The following RABEP1 variants were observed in gnomAD, a reference collection of about 807,000 sequenced individuals.
RABEP1 encodes the protein rab GTPase-binding effector protein 1.
A neutral mutation model predicts 123.4 loss-of-function variants in RABEP1; 51 were observed. The ratio of observed to expected loss-of-function variants is 0.41; its 90% CI spans 0.33 to 0.52. The LOEUF (loss-of-function observed/expected upper bound fraction) is 0.52, where lower values mean the gene tolerates loss of function less well. Ranked by LOEUF, RABEP1 falls within the 20% of genes least tolerant of loss-of-function variation. The probability of loss-of-function intolerance (pLI) is 0.16; values close to 1 mark genes in which losing one functional copy is unlikely to be tolerated. For synonymous variants in RABEP1, 347 were observed against 355.2 expected (o/e 0.98, Z 0.26); for missense variants, 888 against 996.3 (o/e 0.89, Z 1.46).
At chr17:5,315,377 T>C (rs1024654460) in intron 2 of RABEP1, among the ~76,000 whole-genome samples, 2 of 151,940 alleles carry the variant, frequency 1.3e-5, no homozygotes, top group Non-Finnish European at 2.9e-5. Context: ...GAGGGAAATA[T>C]GAAAGAATAT....
chr17:5,378,440 G>T, intron 15 of RABEP1: 1 of 646,828 alleles, frequency 1.5e-6, no homozygotes, highest in East Asian at 2.9e-5. Flanking sequence ...AACTGGAGGA[G>T]GTAAGGCTAA....
At chr17:5,300,542 C>T (rs1216012553) in intron 1 of RABEP1, among the ~76,000 whole-genome samples, 1 of 152,134 alleles carries the variant, frequency 6.6e-6, no homozygotes, top group Non-Finnish European at 1.5e-5. Flanking sequence ...CCTTTCTATA[C>T]TGTACTCTTG....
chr17:5,332,392 A>C (rs953266373), intron 3 of RABEP1, among the ~76,000 whole-genome samples: 13 of 152,166 alleles, frequency 8.5e-5, no homozygotes, highest in Non-Finnish European at 8.8e-5. Context: ...TAATGCATTA[A>C]ATGAGGACTA....
intron 1 of RABEP1, among the ~76,000 whole-genome samples, chr17:5,299,532 G>C (rs929025172): frequency 4.6e-5 from 7 of 151,394 alleles, no homozygotes; most frequent in Non-Finnish European, 8.8e-5. Context: ...GAGTCCCTAG[G>C]GCCACTGAAG....
At chr17:5,373,691 TAAACACACACACAC>T (rs1910719265) in intron 13 of RABEP1, among the ~76,000 whole-genome samples, 1 of 63,406 alleles carries the variant, frequency 1.6e-5, no homozygotes, top group East Asian at 4.0e-4. Context: ...CTACACCAGC[TAAACACACACACAC>T]ACACACACAC....
In RABEP1 at chr17:5,295,147, C is replaced by T. The variant is rs150487417; in HGVS notation, c.34+12627C>T. ...CTGTAATCCCAGCACTTTGGGAGAC[C>T]GAGTCGGGCAAATCACCTGAAGTCA... On this transcript the variant is annotated intron_variant, in intron 1 of 17. Coordinates refer to ENST00000537505, the MANE Select transcript of RABEP1 (RefSeq NM_004703.6). Among the ~76,000 whole-genome samples the T allele has an allele frequency of 3.5e-3, 528 of 151,366 alleles. 4 individuals are homozygous for T. The highest frequency in any genetic ancestry group is 6.1e-3 in the Non-Finnish European group (415 of 67,852).
At chr17:5,320,107 AAGAG>A (rs1465501067) in intron 2 of RABEP1, among the ~76,000 whole-genome samples, 3 of 152,174 alleles carry the variant, frequency 2.0e-5, no homozygotes, top group African/African-American at 7.2e-5. Flanking sequence ...GTCAAGGACA[AAGAG>A]AGGATCCTAA....
At position 5,282,512 on chromosome 17, in the gene RABEP1, A is replaced by G; in HGVS notation, c.26A>G (p.Gln9Arg). MAQPGPAS[Q>R]PDVSLQQRVA... ...ATGGCGCAGCCGGGCCCGGCTTCCC[A>G]GCCTGACGGTGAGGCGCCCACCATG... Residue 9 changes from glutamine (Q) to arginine (R), a missense_variant, in exon 1 of 18, where the codon CAG becomes CGG. Physicochemically the swap from Gln to Arg is conservative, Grantham distance 43. Coordinates refer to ENST00000537505, the MANE Select transcript of RABEP1 (RefSeq NM_004703.6). The G allele has an allele frequency of 8.0e-7, 1 of 1,245,668 alleles. No homozygotes were observed. The highest frequency in any genetic ancestry group is 1.0e-6 in the Non-Finnish European group (1 of 993,466). 77.2% of individuals were successfully genotyped at this position (1,245,668 alleles called of 1,614,324 possible).
At chr17:5,311,343 ATAT>A (rs1426981309) in intron 2 of RABEP1, among the ~76,000 whole-genome samples, 6 of 152,076 alleles carry the variant, frequency 3.9e-5, no homozygotes. Flanking sequence ...CTTTACGGAG[ATAT>A]TATTAAAATT....
At chr17:5,316,855 A>AT (rs1238220967) in intron 2 of RABEP1, among the ~76,000 whole-genome samples, 288 of 139,136 alleles carry the variant, frequency 2.1e-3, no homozygotes, top group Middle Eastern at 3.8e-3. Context: ...AAAAAAAAAA[A>AT]ATATAAGAAA....
At chr17:5,336,655 CAT>C (rs1907116851) in intron 4 of RABEP1, 1 of 307,570 alleles carries the variant, frequency 3.3e-6, no homozygotes, top group African/African-American at 2.3e-5. Flanking sequence ...ATTGTGAAGT[CAT>C]ATTTATATTA....
chr17:5,351,164 G>C (rs547850701), intron 7 of RABEP1, among the ~76,000 whole-genome samples: 1 of 152,240 alleles, frequency 6.6e-6, no homozygotes, highest in Admixed American at 6.5e-5. Flanking sequence ...GCTCTACTAG[G>C]TGACATGATA....
chr17:5,378,370 C>T (rs1911176378), intron 15 of RABEP1, 138 bp downstream of exon 15: 5 of 801,972 alleles, frequency 6.2e-6, no homozygotes. Context: ...GGGAAGAAAA[C>T]CACGGGGTAA....
chr17:5,346,839 A>T lies in RABEP1; in HGVS notation c.698A>T (p.Asp233Val). Residue 233 changes from aspartate (D) to valine (V), a missense_variant, in exon 6 of 18, where the codon GAT (aspartate) becomes GTT (valine). Physicochemically the swap from Asp to Val is radical, Grantham distance 152. Transcript: ENST00000537505. ...YLEAEKSCRTDLEMYVAVLNT... is the reference protein window; with the variant it reads ...YLEAEKSCRTVLEMYVAVLNT... ...GAAGCTGAGAAATCTTGTAGGACTG[A>T]TCTAGAGATGTATGTAGCTGTTTTG... 1 of 1,610,162 alleles carries T rather than the reference A, an allele frequency of 6.2e-7. No homozygotes were observed. The highest frequency in any genetic ancestry group is 8.5e-7 in the Non-Finnish European group (1 of 1,177,684).
At chr17:5,334,388 C>T (rs959097431) in intron 3 of RABEP1, among the ~76,000 whole-genome samples, 3 of 152,096 alleles carry the variant, frequency 2.0e-5, no homozygotes, top group Admixed American at 6.5e-5. Flanking sequence ...CCTGTCACCA[C>T]GCCCAGCTAA....
intron 16 of RABEP1, among the ~76,000 whole-genome samples, chr17:5,381,183 C>T (rs576882286): frequency 6.6e-6 from 1 of 152,236 alleles, no homozygotes; most frequent in East Asian, 1.9e-4. Context: ...TTTGGCTTTT[C>T]ATACCCAGTT....
intron 2 of RABEP1, among the ~76,000 whole-genome samples, chr17:5,325,335 C>G (rs891459498): frequency 1.3e-5 from 2 of 151,028 alleles, no homozygotes; most frequent in African/African-American, 4.9e-5. Context: ...AGCAAAACTC[C>G]GTCCAAAAAA....
chr17:5,343,950 A>T (rs1045432005), intron 5 of RABEP1, among the ~76,000 whole-genome samples: 3 of 152,090 alleles, frequency 2.0e-5, no homozygotes, highest in Non-Finnish European at 4.4e-5. Flanking sequence ...TGCTGGGATT[A>T]CAGGCATGAG....
Position 5,331,040 on chromosome 17 carries a change from TTTTTTTTTTTTTTTTA to T in RABEP1, c.164-908_164-893del, listed in dbSNP as rs959801992. The stretch of plus-strand genomic sequence containing the variant: ...CCTATCTCTTAACTTTTTTTTTTTT[TTTTTTTTTTTTTTTTA>T]AAGAAACACAGCGGCTGACTGGGAA... On this transcript the variant is annotated intron_variant, in intron 2 of 17. Coordinates refer to ENST00000537505, the MANE Select transcript of RABEP1 (RefSeq NM_004703.6). Among the ~76,000 whole-genome samples the T allele has an allele frequency of 2.3e-3, 274 of 118,520 alleles. 12 individuals are homozygous for T. The South Asian group carries it at 0.087, about 38-fold the overall frequency. 77.8% of individuals were successfully genotyped at this position (118,520 alleles called of 152,430 possible). A position where few individuals can be genotyped will look rare whatever the true frequency, so the allele number is the denominator to read the frequency against.
Sources: allele counts gnomAD v4.1 joint callset (sites outside exome capture counted in the v4.1 genomes callset), GRCh38; gene constraint gnomAD v4.1.1; transcripts MANE v1.5; gene names NCBI Gene and HGNC (gene_info 2026-07-23, HGNC 2026-07-21).